The following NIM1K variants were observed in gnomAD, a reference collection of about 807,000 sequenced individuals.
The protein encoded by NIM1K is NIM1 serine/threonine protein kinase, also known as serine/threonine-protein kinase NIM1.
In NIM1K, 35 loss-of-function variants were observed where a neutral mutation model predicts 37.1. That is an observed-to-expected ratio of 0.94 (90% confidence interval 0.72 to 1.25). The LOEUF is 1.25. NIM1K is among the 50% of genes most tolerant of loss of function. The pLI is 0.00. For missense variants in NIM1K, 564 were observed against 548.0 expected (o/e 1.03, Z -0.29); for synonymous variants, 234 against 206.6 (o/e 1.13, Z -1.14).
chr5:43,238,302 C>G (rs1430823708), intron 1 of NIM1K, among the ~76,000 whole-genome samples: 1 of 151,978 alleles, frequency 6.6e-6, no homozygotes, highest in Non-Finnish European at 1.5e-5. Context: ...TTCAGCCTCC[C>G]AAAGTGCTGG....
chr5:43,273,505 G>A (rs115795457), intron 2 of NIM1K, among the ~76,000 whole-genome samples: 3,215 of 152,088 alleles, frequency 0.021, 115 homozygotes, highest in African/African-American at 0.074. Context: ...CATCACACCC[G>A]GCCCAGAGTG....
At chr5:43,223,342 T>C (rs1471390445) in intron 1 of NIM1K, among the ~76,000 whole-genome samples, 1 of 152,154 alleles carries the variant, frequency 6.6e-6, no homozygotes, top group Non-Finnish European at 1.5e-5. Context: ...GCACCTACCT[T>C]CTAAAATTCT....
chr5:43,218,328 A>T (rs1345078155), intron 1 of NIM1K, among the ~76,000 whole-genome samples: 1 of 152,058 alleles, frequency 6.6e-6, no homozygotes. Flanking sequence ...TCTATTTTTA[A>T]TTGGGTGATA....
At chr5:43,276,957 ACT>A (rs1753350655) in intron 2 of NIM1K, 98 bp from the exon 3 acceptor site, 3 of 1,207,760 alleles carry the variant, frequency 2.5e-6, no homozygotes, top group Middle Eastern at 2.0e-4. Flanking sequence ...GGGAACAGCC[ACT>A]CTCTGTCTAG....
intron 1 of NIM1K, among the ~76,000 whole-genome samples, 191 bp downstream of exon 1, chr5:43,192,602 C>T (rs1442352971): frequency 6.6e-6 from 1 of 152,202 alleles, no homozygotes; most frequent in Non-Finnish European, 1.5e-5. Context: ...GGGGCGTACC[C>T]CCACACCTGC....
chr5:43,234,976 A>AT lies in NIM1K; in HGVS notation c.-694-10101dup, dbSNP rs1167576317. ...CCAGACATTATTTTGTCTGACAACA[A>AT]TTTTTAAGGATTAATGTTTGATCCC... is the stretch of plus-strand genomic sequence containing the variant. On this transcript the variant is annotated intron_variant, in intron 1 of 3. Coordinates refer to ENST00000326035, the MANE Select transcript of NIM1K (RefSeq NM_153361.4). 2.0e-5 allele frequency among the ~76,000 whole-genome samples: 3 copies of AT among 152,154 alleles called. No homozygotes were observed. In the East Asian group the frequency reaches 5.8e-4, roughly 29 times the overall value.
intron 1 of NIM1K, chr5:43,193,420 G>A (rs1300477029): frequency 7.6e-6 from 1 of 131,356 alleles, no homozygotes; most frequent in Non-Finnish European, 1.5e-5. Context: ...TCGTCCTCCT[G>A]AGTACAGTAG....
At chr5:43,260,407 G>T (rs1579985013) in intron 2 of NIM1K, among the ~76,000 whole-genome samples, 1 of 152,202 alleles carries the variant, frequency 6.6e-6, no homozygotes, top group East Asian at 1.9e-4. Context: ...TTCCTTCTAT[G>T]CCTAGTTTGT....
chr5:43,265,090 G>T (rs990087775), intron 2 of NIM1K, among the ~76,000 whole-genome samples: 1 of 151,986 alleles, frequency 6.6e-6, no homozygotes, highest in African/African-American at 2.4e-5. Context: ...TCTGACAATT[G>T]TGTCTTGGAA....
intron 2 of NIM1K, among the ~76,000 whole-genome samples, chr5:43,272,325 A>G (rs1260772476): frequency 6.6e-6 from 1 of 151,880 alleles, no homozygotes; most frequent in African/African-American, 2.4e-5. Context: ...TAACCCCCAG[A>G]CCAGGAGTAC....
chr5:43,271,846 C>T (rs894182299), intron 2 of NIM1K, among the ~76,000 whole-genome samples: 3 of 152,188 alleles, frequency 2.0e-5, no homozygotes, highest in Non-Finnish European at 4.4e-5. Context: ...CTGTCCCTGA[C>T]TCCTGCCAGC....
intron 2 of NIM1K, among the ~76,000 whole-genome samples, chr5:43,276,212 GA>G (rs1753337797): frequency 1.3e-5 from 2 of 152,120 alleles, no homozygotes; most frequent in Non-Finnish European, 2.9e-5. Context: ...TAATTTATAA[GA>G]AAAAAAGGTT....
At chr5:43,246,225 T>A (rs1260793135) in intron 2 of NIM1K, among the ~76,000 whole-genome samples, 158 bp downstream of exon 2, 1 of 152,208 alleles carries the variant, frequency 6.6e-6, no homozygotes, top group East Asian at 1.9e-4. Flanking sequence ...GTCTTCTCAG[T>A]TAATTTTCAC....
intron 2 of NIM1K, among the ~76,000 whole-genome samples, chr5:43,260,785 G>C (rs547222058): frequency 6.6e-6 from 1 of 151,956 alleles, no homozygotes; most frequent in Admixed American, 6.6e-5. Context: ...GACAGGCCCG[G>C]ATGTGTGATG....
chr5:43,273,032 G>A (rs1419948485), intron 2 of NIM1K, among the ~76,000 whole-genome samples: 1 of 152,052 alleles, frequency 6.6e-6, no homozygotes, highest in African/African-American at 2.4e-5. Flanking sequence ...CTTCTCATCA[G>A]ATTTGGAGAA....
chr5:43,246,661 T>G lies in NIM1K; in HGVS notation c.292+594T>G, dbSNP rs769511205. On this transcript the variant is annotated intron_variant, in intron 2 of 3. Transcript: ENST00000326035. Reference sequence around the variant, plus strand: ...GGATTTGATCTCAGAACCTTTTCTGTTCAGTCCACCCTGCCCTAGCTCTCA... The same window carrying G: ...GGATTTGATCTCAGAACCTTTTCTGGTCAGTCCACCCTGCCCTAGCTCTCA... 6.8e-4 allele frequency among the ~76,000 whole-genome samples: 104 copies of G among 152,338 alleles called. 1 individual carries two copies. Among genetic ancestry groups the G allele is most frequent in the Admixed American group, 5.2e-4 (8 of 15,290 alleles).
intron 1 of NIM1K, among the ~76,000 whole-genome samples, chr5:43,221,447 C>CA (rs55658060): frequency 0.12 from 14,677 of 122,464 alleles, 990 homozygotes; most frequent in Middle Eastern, 0.17. Flanking sequence ...GAGACTGTCT[C>CA]AAAAAAAAAA....
In NIM1K at chr5:43,264,253, T is replaced by A. The variant is rs148342583; in HGVS notation, c.293-12804T>A. ...GCCTCCCATTATTATTGTTTGGGAG[T>A]CTAAGTCTCTTTGTAGGTCTCTATG... On this transcript the variant is annotated intron_variant, in intron 2 of 3. Transcript: ENST00000326035. Among the ~76,000 whole-genome samples the A allele has an allele frequency of 5.8e-3, 883 of 152,256 alleles. 10 individuals carry two copies. The highest frequency in any genetic ancestry group is 0.02 in the African/African-American group (848 of 41,528).
chr5:43,249,674 T>A (rs1051201600), intron 2 of NIM1K, among the ~76,000 whole-genome samples: 1 of 152,028 alleles, frequency 6.6e-6, no homozygotes, highest in Non-Finnish European at 1.5e-5. Context: ...GAAGGAGCTG[T>A]CTACTGGGCA....
Sources: allele counts gnomAD v4.1 joint callset (sites outside exome capture counted in the v4.1 genomes callset), GRCh38; gene constraint gnomAD v4.1.1; transcripts MANE v1.5; gene names NCBI Gene and HGNC (gene_info 2026-07-23, HGNC 2026-07-21).